Variants in DNAJA3 observed in about 807,000 individuals in gnomAD.
DNAJA3 encodes the protein DnaJ heat shock protein family (Hsp40) member A3.
DNAJA3 carries 29 observed loss-of-function variants against 54.9 expected under a neutral mutation model. The ratio of observed to expected loss-of-function variants is 0.53; its 90% confidence interval spans 0.39 to 0.72. The LOEUF is 0.72. Ranked by LOEUF, DNAJA3 falls within the 30% of genes least tolerant of loss-of-function variation. The probability of loss-of-function intolerance (pLI) is 0.00; values close to 1 mark genes in which losing one functional copy is unlikely to be tolerated. For missense variants in DNAJA3, 708 were observed against 639.4 expected, an observed-to-expected ratio of 1.11 and a Z score of -1.16; for synonymous variants, 302 against 251.4, an observed-to-expected ratio of 1.20 and a Z score of -1.90.
intron 11 of DNAJA3, 72 bp downstream of exon 11, chr16:4,454,999 A>C: frequency 9.0e-7 from 1 of 1,105,322 alleles, no homozygotes; most frequent in Non-Finnish European, 1.3e-6. Flanking sequence ...CTCCCACTTT[A>C]ACCAATATTG....
intron 1 of DNAJA3, 135 bp from the exon 2 acceptor site, chr16:4,434,249 A>G: frequency 1.0e-6 from 1 of 958,924 alleles, no homozygotes; most frequent in East Asian, 2.5e-5. Flanking sequence ...TCTAGTTGAG[A>G]TCTGGGTGGG....
At chr16:4,427,722 G>A (rs1292785016) in intron 1 of DNAJA3, among the ~76,000 whole-genome samples, 1 of 152,194 alleles carries the variant, frequency 6.6e-6, no homozygotes, top group African/African-American at 2.4e-5. Flanking sequence ...CCAGACTGGT[G>A]CAGAGGCACA....
chr16:4,433,799 C>A (rs565506732), intron 1 of DNAJA3: 1 of 152,808 alleles, frequency 6.5e-6, no homozygotes, highest in African/African-American at 2.4e-5. Context: ...TGAGACCACT[C>A]CAGTAGTATA....
chr16:4,444,566 C>G (rs984087589), intron 6 of DNAJA3, 98 bp from the exon 7 acceptor site: 3 of 996,130 alleles, frequency 3.0e-6, no homozygotes, highest in Non-Finnish European at 4.7e-6. Context: ...GATCTCTTGA[C>G]GTCATGATCT....
rs2056917521 is a variant in DNAJA3 at position 4,447,512 on chromosome 16, G to A, written c.1125+498G>A. The A allele has an allele frequency of 1.3e-5, 2 of 153,670 alleles. 1 individual carries two copies. Among genetic ancestry groups the A allele is most frequent in the South Asian group, 4.0e-4 (2 of 4,996 alleles). The allele number at this position is 153,670 out of a possible 1,614,324, so 9.5% of individuals were successfully genotyped here. A position where few individuals can be genotyped will look rare whatever the true frequency, so the allele number is the denominator to read the frequency against. On this transcript the variant is annotated intron_variant, in intron 8 of 11. Transcript: ENST00000262375. ...TCAGAACCTTCTCCAGCTTCTTTGT[G>A]GGGAACCTTGGGGTAACCTCCATGA... is the stretch of plus-strand genomic sequence containing the variant.
intron 8 of DNAJA3, 123 bp downstream of exon 8, chr16:4,447,137 G>T (rs1443340829): frequency 2.5e-6 from 3 of 1,203,948 alleles, no homozygotes; most frequent in Admixed American, 2.7e-5. Context: ...GCACTCACAG[G>T]GGAGGACATG....
At position 4,446,930 on chromosome 16, in the gene DNAJA3, C is replaced by T. The variant is rs770860539; in HGVS notation, c.1041C>T (p.His347=). 1 of 1,614,204 alleles carries T rather than the reference C, an allele frequency of 6.2e-7. No individual in the cohort carries two copies. Among genetic ancestry groups the T allele is most frequent in the South Asian group, 1.1e-5 (1 of 91,086 alleles). ...PVFRRDGADI[H]SDLFISIAQA... ...TCCGGAGGGACGGCGCAGACATCCACTCCGACCTCTTTATTTCTATAGCTC... is the reference window on the plus strand; with the variant it reads ...TCCGGAGGGACGGCGCAGACATCCATTCCGACCTCTTTATTTCTATAGCTC... Residue 347 remains histidine (H), a synonymous_variant, in exon 8 of 12, where the codon CAC becomes CAT. Coordinates refer to ENST00000262375, the MANE Select transcript of DNAJA3 (RefSeq NM_005147.6).
chr16:4,451,485 A>G (rs2056976925), intron 10 of DNAJA3, among the ~76,000 whole-genome samples: 1 of 151,926 alleles, frequency 6.6e-6, no homozygotes, highest in Non-Finnish European at 1.5e-5. Flanking sequence ...GGCCGGGCGC[A>G]GTGGCTCTTG....
rs150441900 is a variant in DNAJA3 at position 4,453,962 on chromosome 16, A to G, written c.1340-849A>G. ...GGTCTATATTCTAACTCACAACAAA[A>G]GTGTGCACTCCTTGTCTAGTAGTTG... is the stretch of plus-strand genomic sequence containing the variant. On this transcript the variant is annotated intron_variant, in intron 10 of 11. Coordinates refer to ENST00000262375, the MANE Select transcript of DNAJA3 (RefSeq NM_005147.6). 5.3e-3 allele frequency among the ~76,000 whole-genome samples: 803 copies of G among 152,278 alleles called. 7 individuals are homozygous for G. Among genetic ancestry groups the G allele is most frequent in the Non-Finnish European group, 7.6e-3 (520 of 68,028 alleles).
chr16:4,435,974 T>G (rs2056767670), intron 2 of DNAJA3, among the ~76,000 whole-genome samples: 1 of 152,256 alleles, frequency 6.6e-6, no homozygotes, highest in Non-Finnish European at 1.5e-5. Context: ...CACATCCCAG[T>G]GAACACTTAA....
At chr16:4,437,277 C>T (rs150335605) in intron 2 of DNAJA3, 125 bp from the exon 3 acceptor site, 1 of 834,198 alleles carries the variant, frequency 1.2e-6, no homozygotes. Context: ...AGCCGAGAGA[C>T]AACTTTTATA....
At position 4,450,391 on chromosome 16, in the gene DNAJA3, G is replaced by T. The variant is rs758548926; in HGVS notation, c.1242-9G>T. ...GAAGCCTTGGCTGCTGACTCTGCTCGGTCCACAGGAGGCTAACGAGCCGGC... is the reference window on the plus strand; with the variant it reads ...GAAGCCTTGGCTGCTGACTCTGCTCTGTCCACAGGAGGCTAACGAGCCGGC... On this transcript the variant is annotated splice_polypyrimidine_tract_variant and intron_variant, in intron 9 of 11. Coordinates refer to ENST00000262375, the MANE Select transcript of DNAJA3 (RefSeq NM_005147.6). 4.4e-6 allele frequency: 7 copies of T among 1,595,194 alleles called. No individual in the cohort carries two copies. Among genetic ancestry groups the T allele is most frequent in the Admixed American group, 1.7e-5 (1 of 57,374 alleles).
chr16:4,451,824 G>A (rs1297662932), intron 10 of DNAJA3, among the ~76,000 whole-genome samples: 1 of 146,698 alleles, frequency 6.8e-6, no homozygotes, highest in African/African-American at 2.5e-5. Flanking sequence ...ACTTTGGGAC[G>A]CCGAGGAGGG....
At chr16:4,430,342 G>A (rs780001320) in intron 1 of DNAJA3, among the ~76,000 whole-genome samples, 119 of 151,722 alleles carry the variant, frequency 7.8e-4, no homozygotes, top group African/African-American at 2.8e-3. Context: ...TGGGTTGATC[G>A]CCTGAGGTCA....
At chr16:4,431,920 T>A (rs1052102157) in intron 1 of DNAJA3, 1 of 151,996 alleles carries the variant, frequency 6.6e-6, no homozygotes, top group African/African-American at 2.4e-5. Context: ...GTTCTTTGTT[T>A]AACATTTGCA....
intron 10 of DNAJA3, among the ~76,000 whole-genome samples, chr16:4,453,179 C>T (rs755672954): frequency 6.6e-6 from 1 of 152,138 alleles, no homozygotes; most frequent in Non-Finnish European, 1.5e-5. Flanking sequence ...CTTGGCCTCC[C>T]AGAGTGTTGG....
At position 4,441,518 on chromosome 16, in the gene DNAJA3, C is replaced by T. The variant is rs750429352; in HGVS notation, c.573C>T (p.Gly191=). ...DPEELFRKIF[G]EFSSSSFGDF... is the part of the protein sequence containing the mutation. Reference sequence around the variant, plus strand: ...AGGAGCTGTTCAGGAAGATCTTTGGCGAGTTCTCATCCTCTTCATTTGGAG... The same window carrying T: ...AGGAGCTGTTCAGGAAGATCTTTGGTGAGTTCTCATCCTCTTCATTTGGAG... The change falls in exon 4 of 12, where the codon GGC becomes GGT. Residue 191 remains glycine (G), a synonymous_variant. Transcript: ENST00000262375. 11 of 1,614,050 alleles carry T rather than the reference C, an allele frequency of 6.8e-6. No homozygotes were observed. Among genetic ancestry groups the T allele is most frequent in the South Asian group, 1.1e-5 (1 of 91,086 alleles).
In DNAJA3 at chr16:4,441,595, G is replaced by A; in HGVS notation, c.630+20G>A. The A allele has an allele frequency of 1.2e-6, 2 of 1,610,480 alleles. No homozygotes were observed. Among genetic ancestry groups the A allele is most frequent in the African/African-American group, 2.7e-5 (2 of 74,840 alleles). ...CAGGAAGTAAGTTCCTCACTTGGAA[G>A]AATTATTCAAATTTTAGACTAAGTA... On this transcript the variant is annotated intron_variant, in intron 4 of 11. Transcript: ENST00000262375.
intron 3 of DNAJA3, 97 bp from the exon 4 acceptor site, chr16:4,441,278 A>C: frequency 1.7e-6 from 2 of 1,192,384 alleles, no homozygotes; most frequent in Non-Finnish European, 2.4e-6. Flanking sequence ...GGGCCACTTA[A>C]TAAATGTTAT....
Sources: gnomAD v4.1 joint callset for allele counts (sites outside exome capture counted in the v4.1 genomes callset) on GRCh38, gnomAD v4.1.1 for gene constraint, MANE v1.5 for transcripts, NCBI Gene and HGNC (gene_info 2026-07-23, HGNC 2026-07-21) for gene names.